Variants in FLT1 observed in about 807,000 individuals in gnomAD.
The protein encoded by FLT1 is fms related receptor tyrosine kinase 1, also known as vascular endothelial growth factor receptor 1.
FLT1 carries 49 observed loss-of-function variants against 156.3 expected under a neutral mutation model. That is an observed-to-expected ratio of 0.31 (90% CI 0.25 to 0.40). FLT1 has a LOEUF of 0.40. Ranked by LOEUF, FLT1 falls within the 10% of genes least tolerant of loss-of-function variation. The pLI is 1.00. For missense variants in FLT1, 1,322 were observed against 1,637.2 expected, an observed-to-expected ratio of 0.81 and a Z score of 3.32; for synonymous variants, 594 against 583.8, an observed-to-expected ratio of 1.02 and a Z score of -0.25.
intron 3 of FLT1, among the ~76,000 whole-genome samples, chr13:28,462,153 C>A (rs1234672711): frequency 6.6e-6 from 1 of 152,122 alleles, no homozygotes; most frequent in Admixed American, 6.5e-5. Flanking sequence ...GCTCAACACC[C>A]TAAGTTTAAG....
At chr13:28,460,048 T>C (rs1363682411) in intron 3 of FLT1, among the ~76,000 whole-genome samples, 1 of 152,168 alleles carries the variant, frequency 6.6e-6, no homozygotes, top group East Asian at 1.9e-4. Context: ...CATGGAGATG[T>C]TTATTGGACT....
At chr13:28,370,924 A>G (rs1199616267) in intron 14 of FLT1, among the ~76,000 whole-genome samples, 1 of 152,226 alleles carries the variant, frequency 6.6e-6, no homozygotes, top group Non-Finnish European at 1.5e-5. Flanking sequence ...ATTTTAAGAC[A>G]GGAAAATCAG....
chr13:28,336,796 G>A (rs528567627), intron 17 of FLT1, among the ~76,000 whole-genome samples: 13 of 143,848 alleles, frequency 9.0e-5, no homozygotes, highest in South Asian at 6.6e-4. Flanking sequence ...TGCCCAGGCC[G>A]GAGTGCCGTG....
At chr13:28,348,744 C>T (rs953192648) in intron 15 of FLT1, among the ~76,000 whole-genome samples, 10 of 152,104 alleles carry the variant, frequency 6.6e-5, no homozygotes, top group African/African-American at 2.4e-4. Context: ...CCCGTCTCTA[C>T]TAAAAATACA....
At chr13:28,389,218 A>G (rs1368805866) in intron 13 of FLT1, 2 of 1,106,464 alleles carry the variant, frequency 1.8e-6, no homozygotes, top group Non-Finnish European at 2.2e-6. Flanking sequence ...ACAAATCAAG[A>G]GCAGATGAAA....
At chr13:28,327,143 C>T (rs749338598) in intron 20 of FLT1, among the ~76,000 whole-genome samples, 15 of 152,110 alleles carry the variant, frequency 9.9e-5, no homozygotes, top group South Asian at 4.1e-4. Context: ...TGTATGTTTG[C>T]GTGTATGTAC....
intron 12 of FLT1, among the ~76,000 whole-genome samples, chr13:28,392,164 G>A (rs998229833): frequency 6.6e-6 from 1 of 152,170 alleles, no homozygotes; most frequent in African/African-American, 2.4e-5. Context: ...CTGAAGAAAT[G>A]CCAAAGTATT....
At chr13:28,437,213 G>A (rs932846204) in intron 4 of FLT1, among the ~76,000 whole-genome samples, 1 of 152,184 alleles carries the variant, frequency 6.6e-6, no homozygotes, top group Non-Finnish European at 1.5e-5. Context: ...GCACACAAAT[G>A]TAGTGGAGGC....
At chr13:28,323,189 A>G (rs1157083742) in intron 20 of FLT1, among the ~76,000 whole-genome samples, 2 of 151,926 alleles carry the variant, frequency 1.3e-5, no homozygotes, top group East Asian at 1.9e-4. Context: ...AAAAAAAATT[A>G]AGAGTGGTGG....
intron 10 of FLT1, among the ~76,000 whole-genome samples, chr13:28,420,833 T>C (rs1195468988): frequency 6.6e-6 from 1 of 152,224 alleles, no homozygotes; most frequent in Non-Finnish European, 1.5e-5. Context: ...TTCCCCCAAA[T>C]GATCTATCCC....
intron 17 of FLT1, 96 bp from the exon 18 acceptor site, chr13:28,334,225 T>A: frequency 1.2e-6 from 1 of 832,782 alleles, no homozygotes; most frequent in Non-Finnish European, 2.1e-6. Context: ...TGTGTGCATG[T>A]GAGGCATGGA....
intron 13 of FLT1, chr13:28,386,687 C>G: frequency 1.9e-6 from 2 of 1,055,918 alleles, no homozygotes; most frequent in Non-Finnish European, 2.3e-6. Flanking sequence ...CTTTGATTTA[C>G]GACTACTTGT....
chr13:28,467,556 G>T lies in FLT1; in HGVS notation c.126C>A (p.Ile42=). ...GATGCAGTGTCTGGCCTGCTTGCAT[G>T]ATGTGCTGGGTGCCTTTTAAACTCA... ...PELSLKGTQH[I]MQAGQTLHLQ... The change falls in exon 2 of 30, where the codon ATC becomes ATA. Residue 42 remains isoleucine (I), a synonymous_variant. Coordinates refer to ENST00000282397, the MANE Select transcript of FLT1 (RefSeq NM_002019.4). 1 of 1,610,978 alleles carries T rather than the reference G, an allele frequency of 6.2e-7. No homozygotes were observed. The highest frequency in any genetic ancestry group is 8.5e-7 in the Non-Finnish European group (1 of 1,178,456).
At chr13:28,388,092 C>A in intron 13 of FLT1, 1 of 1,056,964 alleles carries the variant, frequency 9.5e-7, no homozygotes, top group Middle Eastern at 4.3e-4. Context: ...GGCATTGTTT[C>A]CTGAAGGAAC....
intron 17 of FLT1, among the ~76,000 whole-genome samples, chr13:28,335,326 C>T (rs1159155059): frequency 6.6e-6 from 1 of 152,116 alleles, no homozygotes; most frequent in African/African-American, 2.4e-5. Context: ...AACACAACCC[C>T]TCCTTTCCCA....
At chr13:28,350,782 T>C (rs1420431570) in intron 15 of FLT1, among the ~76,000 whole-genome samples, 1 of 152,164 alleles carries the variant, frequency 6.6e-6, no homozygotes, top group Non-Finnish European at 1.5e-5. Flanking sequence ...TTCCTCATCC[T>C]TACAAAGTGG....
At chr13:28,323,542 T>C (rs1871559464) in intron 20 of FLT1, among the ~76,000 whole-genome samples, 1 of 150,852 alleles carries the variant, frequency 6.6e-6, no homozygotes, top group South Asian at 2.1e-4. Flanking sequence ...TCCCAGCTAC[T>C]CAGGAGGCTG....
At chr13:28,339,792 G>C (rs1312158757) in intron 16 of FLT1, among the ~76,000 whole-genome samples, 1 of 152,080 alleles carries the variant, frequency 6.6e-6, no homozygotes, top group Non-Finnish European at 1.5e-5. Context: ...AGGATCCCTG[G>C]GGCACTGAAA....
At chr13:28,464,905 C>G (rs1290129493) in intron 3 of FLT1, among the ~76,000 whole-genome samples, 1 of 152,104 alleles carries the variant, frequency 6.6e-6, no homozygotes, top group Admixed American at 6.6e-5. Context: ...ACTGATAAAC[C>G]TATAGGAGAA....
Sources: allele counts gnomAD v4.1 joint callset (sites outside exome capture counted in the v4.1 genomes callset), GRCh38; gene constraint gnomAD v4.1.1; transcripts MANE v1.5; gene names NCBI Gene and HGNC (gene_info 2026-07-23, HGNC 2026-07-21).